Variants in PRELID2 observed in about 807,000 individuals in gnomAD.
The protein encoded by PRELID2 is PRELI domain containing 2, also known as PRELI domain-containing protein 2.
In PRELID2, 25 loss-of-function variants were observed where a neutral mutation model predicts 28.4. The observed-to-expected ratio is 0.88, with a 90% CI of 0.64 to 1.23. The LOEUF is 1.23. Ranked by LOEUF, PRELID2 falls within the 50% of genes most tolerant of loss-of-function variation. The pLI is 0.00. For synonymous variants in PRELID2, 76 were observed against 71.6 expected (o/e 1.06, Z -0.31); for missense variants, 201 against 214.4 (o/e 0.94, Z 0.39).
chr5:145,693,339 G>A (rs1342084217), intron 1 of PRELID2, among the ~76,000 whole-genome samples: 2 of 151,676 alleles, frequency 1.3e-5, no homozygotes, highest in African/African-American at 2.4e-5. Flanking sequence ...GTAGAGATGG[G>A]GTTTCACCAT....
intron 1 of PRELID2, among the ~76,000 whole-genome samples, chr5:145,621,794 G>C (rs1004143803): frequency 6.6e-6 from 1 of 152,108 alleles, no homozygotes; most frequent in Non-Finnish European, 1.5e-5. Context: ...GATAAATATG[G>C]TTAGCAGGAA....
At chr5:145,729,770 C>A (rs1362638202) in intron 1 of PRELID2, among the ~76,000 whole-genome samples, 1 of 152,118 alleles carries the variant, frequency 6.6e-6, no homozygotes, top group Non-Finnish European at 1.5e-5. Context: ...GACCCAACAC[C>A]AGGTCGTGGG....
intron 1 of PRELID2, among the ~76,000 whole-genome samples, chr5:145,707,737 A>G (rs1350439399): frequency 1.3e-5 from 2 of 152,186 alleles, no homozygotes; most frequent in African/African-American, 4.8e-5. Flanking sequence ...AATTACTCAG[A>G]TCAAGTCAAA....
the PRELID2 span, among the ~76,000 whole-genome samples, chr5:145,298,042 G>A: frequency 6.6e-6 from 1 of 152,032 alleles, no homozygotes; most frequent in Non-Finnish European, 1.5e-5. Context: ...TGGCCATACT[G>A]CCCAAGGTAA....
chr5:145,519,369 C>G (rs896623408), intron 1 of PRELID2, among the ~76,000 whole-genome samples: 1 of 152,078 alleles, frequency 6.6e-6, no homozygotes, highest in Admixed American at 6.5e-5. Context: ...GTAACCTAGG[C>G]TAAAAGTATA....
At chr5:145,270,245 C>A in the PRELID2 span, among the ~76,000 whole-genome samples, 1 of 151,970 alleles carries the variant, frequency 6.6e-6, no homozygotes, top group Non-Finnish European at 1.5e-5. Flanking sequence ...TTGTATTTAT[C>A]CCAGATCATT....
chr5:145,511,050 G>A (rs1467658440), intron 1 of PRELID2, among the ~76,000 whole-genome samples: 1 of 152,174 alleles, frequency 6.6e-6, no homozygotes, highest in Admixed American at 6.5e-5. Context: ...CAGGAGGCTG[G>A]AAACTCAAAG....
At chr5:145,582,053 G>A (rs973081937) in intron 1 of PRELID2, among the ~76,000 whole-genome samples, 3 of 151,966 alleles carry the variant, frequency 2.0e-5, no homozygotes, top group Non-Finnish European at 4.4e-5. Context: ...AGTTGTGAGT[G>A]GTGCTACAGA....
chr5:145,707,393 T>A (rs1292976556), intron 1 of PRELID2, among the ~76,000 whole-genome samples: 1 of 152,148 alleles, frequency 6.6e-6, no homozygotes, highest in Non-Finnish European at 1.5e-5. Context: ...GCCAGTAATG[T>A]CGGAAAGAAG....
At chr5:145,791,102 C>G (rs1038724624) in intron 5 of PRELID2, among the ~76,000 whole-genome samples, 1 of 152,060 alleles carries the variant, frequency 6.6e-6, no homozygotes, top group Non-Finnish European at 1.5e-5. Flanking sequence ...AATTGACTCA[C>G]AGTTCCACAT....
the PRELID2 span, among the ~76,000 whole-genome samples, chr5:145,247,954 C>T: frequency 6.6e-6 from 1 of 152,076 alleles, no homozygotes; most frequent in Admixed American, 6.6e-5. Context: ...AAGGGCCAAA[C>T]ACTTCAATAT....
rs373621576 is a variant in PRELID2 at position 145,636,605 on chromosome 5, C to CCA, written n.70+128325_70+128326insTG. Among the ~76,000 whole-genome samples, 195 of 152,320 alleles carry CCA rather than the reference C, an allele frequency of 1.3e-3. 2 individuals carry two copies. The highest frequency in any genetic ancestry group is 4.6e-3 in the African/African-American group (191 of 41,566). On this transcript the variant is annotated intron_variant and non_coding_transcript_variant, in intron 1 of 2. Transcript: ENST00000510259. ...CTCTTGGGTATTCCACTGTGTGAAA[C>CCA]TGGCACAGCCAGTTCTCAGCCACTA...
chr5:145,335,201 C>G, the PRELID2 span, among the ~76,000 whole-genome samples: 1 of 151,788 alleles, frequency 6.6e-6, no homozygotes, highest in Non-Finnish European at 1.5e-5. Context: ...TTCAAATGAC[C>G]TATTTTTGAG....
At chr5:145,582,223 G>A (rs892460911) in intron 1 of PRELID2, among the ~76,000 whole-genome samples, 1 of 151,988 alleles carries the variant, frequency 6.6e-6, no homozygotes, top group Non-Finnish European at 1.5e-5. Flanking sequence ...AGAACCAGCT[G>A]AGACTGGATA....
intron 1 of PRELID2, among the ~76,000 whole-genome samples, chr5:145,732,276 G>A (rs1179135844): frequency 6.6e-6 from 1 of 152,112 alleles, no homozygotes; most frequent in Non-Finnish European, 1.5e-5. Flanking sequence ...CTTTATCAGA[G>A]ACTCCCTAAC....
chr5:145,331,155 C>A, the PRELID2 span, among the ~76,000 whole-genome samples: 3 of 152,134 alleles, frequency 2.0e-5, no homozygotes, highest in Non-Finnish European at 2.9e-5. Flanking sequence ...GTTATGATTT[C>A]CATTCTTTTG....
intron 1 of PRELID2, among the ~76,000 whole-genome samples, chr5:145,687,498 A>C (rs922187408): frequency 6.6e-6 from 1 of 152,238 alleles, no homozygotes; most frequent in African/African-American, 2.4e-5. Context: ...ACTAAAATGC[A>C]ACATGTGATC....
At chr5:145,263,944 G>A in the PRELID2 span, among the ~76,000 whole-genome samples, 1 of 151,308 alleles carries the variant, frequency 6.6e-6, no homozygotes, top group Non-Finnish European at 1.5e-5. Context: ...AGCCTGGAGT[G>A]CAGTAGCATG....
At chr5:145,568,282 C>T (rs1752985678) in intron 1 of PRELID2, among the ~76,000 whole-genome samples, 1 of 152,218 alleles carries the variant, frequency 6.6e-6, no homozygotes, top group Non-Finnish European at 1.5e-5. Context: ...GGACAGAATT[C>T]TCCCCCAATC....
Sources: allele counts gnomAD v4.1 joint callset (sites outside exome capture counted in the v4.1 genomes callset), GRCh38; gene constraint gnomAD v4.1.1; transcripts MANE v1.5; gene names NCBI Gene and HGNC (gene_info 2026-07-23, HGNC 2026-07-21).